BBS9: variants seen among roughly 807,000 people sequenced by gnomAD.
The protein encoded by BBS9 is protein PTHB1.
Under a neutral mutation model 117.7 loss-of-function variants are expected in BBS9, and 89 were observed. The ratio of observed to expected loss-of-function variants is 0.76; its 90% confidence interval spans 0.64 to 0.90. BBS9 has a LOEUF of 0.90. Among genes scored for constraint, BBS9 ranks in the 40% least tolerant of loss-of-function variants. The pLI is 0.00. For synonymous variants in BBS9, 379 were observed against 370.9 expected (o/e 1.02, Z -0.25); for missense variants, 982 against 1,042.2 (o/e 0.94, Z 0.80).
intron 21 of BBS9, among the ~76,000 whole-genome samples, chr7:33,623,842 G>A (rs1014394295): frequency 6.6e-6 from 1 of 152,114 alleles, no homozygotes; most frequent in African/African-American, 2.4e-5. Context: ...ATGGCAAACT[G>A]TAAGGCAAAG....
chr7:33,423,276 G>A (rs1257434154), intron 19 of BBS9, among the ~76,000 whole-genome samples: 1 of 152,150 alleles, frequency 6.6e-6, no homozygotes, highest in Non-Finnish European at 1.5e-5. Context: ...GGGGTCAGGA[G>A]CAGCCTGGAG....
chr7:33,486,037 C>A (rs888830995), intron 19 of BBS9, among the ~76,000 whole-genome samples: 14 of 152,088 alleles, frequency 9.2e-5, no homozygotes, highest in African/African-American at 3.4e-4. Flanking sequence ...TTCTTGTTGG[C>A]GGTGTGGGAG....
chr7:33,177,153 T>G (rs879756116), intron 4 of BBS9, among the ~76,000 whole-genome samples: 6 of 152,220 alleles, frequency 3.9e-5, no homozygotes, highest in Admixed American at 6.5e-5. Context: ...AGAACTTATT[T>G]ATTTCAGATC....
At chr7:33,435,337 T>C (rs1472064868) in intron 19 of BBS9, among the ~76,000 whole-genome samples, 1 of 152,222 alleles carries the variant, frequency 6.6e-6, no homozygotes, top group African/African-American at 2.4e-5. Context: ...TTTGTTAATA[T>C]CAAGGATTTG....
chr7:33,485,289 C>T (rs1288495535), intron 19 of BBS9, among the ~76,000 whole-genome samples: 3 of 151,446 alleles, frequency 2.0e-5, no homozygotes, highest in African/African-American at 4.9e-5. Context: ...ATGCATGTAC[C>T]CTGGAACTTA....
At chr7:33,570,033 T>C (rs1256178588) in intron 21 of BBS9, among the ~76,000 whole-genome samples, 1 of 152,202 alleles carries the variant, frequency 6.6e-6, no homozygotes, top group African/African-American at 2.4e-5. Flanking sequence ...TTTTCTTACT[T>C]TCTGTATTGT....
intron 10 of BBS9, 70 bp from the exon 11 acceptor site, chr7:33,340,827 C>A (rs2128635806): frequency 7.2e-7 from 1 of 1,393,408 alleles, no homozygotes; most frequent in East Asian, 2.5e-5. Flanking sequence ...ATAGACAAAC[C>A]TTTAAAGAAA....
chr7:33,406,957 A>G (rs1229705730), intron 19 of BBS9, among the ~76,000 whole-genome samples: 2 of 151,954 alleles, frequency 1.3e-5, no homozygotes, highest in Admixed American at 1.3e-4. Context: ...AATTCTCTGT[A>G]TTTCCTGAAT....
At chr7:33,585,235 C>T (rs910726909) in intron 21 of BBS9, among the ~76,000 whole-genome samples, 1 of 151,972 alleles carries the variant, frequency 6.6e-6, no homozygotes, top group Admixed American at 6.6e-5. Flanking sequence ...GTGCTAATTC[C>T]TTTTTTACTA....
downstream of BBS9, among the ~76,000 whole-genome samples, chr7:33,635,684 G>A (rs568903003): frequency 3.3e-5 from 5 of 152,324 alleles, no homozygotes; most frequent in African/African-American, 1.2e-4. Context: ...AAATATAGGC[G>A]AGTGTAAGGC....
chr7:33,406,692 G>C (rs1016650048), intron 19 of BBS9, among the ~76,000 whole-genome samples: 1 of 152,000 alleles, frequency 6.6e-6, no homozygotes, highest in Non-Finnish European at 1.5e-5. Context: ...CTTCACTTAT[G>C]AAGCTTAGTT....
chr7:33,579,480 C>A (rs914705142), intron 21 of BBS9, among the ~76,000 whole-genome samples: 10 of 152,054 alleles, frequency 6.6e-5, no homozygotes, highest in Non-Finnish European at 1.5e-4. Context: ...AAGGTTTGGC[C>A]CGGCGTGTAT....
At chr7:33,633,711 T>C (rs1427484583) in intron 21 of BBS9, among the ~76,000 whole-genome samples, 2 of 152,162 alleles carry the variant, frequency 1.3e-5, no homozygotes, top group East Asian at 3.9e-4. Context: ...CTGTAGACTT[T>C]ACAGATTCAG....
At chr7:33,154,148 T>C (rs1209298553) in intron 3 of BBS9, among the ~76,000 whole-genome samples, 1 of 152,214 alleles carries the variant, frequency 6.6e-6, no homozygotes, top group African/African-American at 2.4e-5. Context: ...ATGTCCAGGG[T>C]ACATATACAA....
At chr7:33,539,827 A>G (rs1851997393) in intron 21 of BBS9, among the ~76,000 whole-genome samples, 1 of 152,220 alleles carries the variant, frequency 6.6e-6, no homozygotes, top group African/African-American at 2.4e-5. Context: ...AACTTGGCAT[A>G]ATTTGCAGGA....
At chr7:33,542,851 C>A (rs1852614213) in intron 21 of BBS9, among the ~76,000 whole-genome samples, 1 of 148,012 alleles carries the variant, frequency 6.8e-6, no homozygotes, top group Non-Finnish European at 1.5e-5. Context: ...TTTCTTTATC[C>A]AGTTGTTGAT....
Position 33,170,247 on chromosome 7 carries a change from A to G in BBS9, c.329-7231A>G, listed in dbSNP as rs542047395. 6.1e-3 allele frequency among the ~76,000 whole-genome samples: 919 copies of G among 149,500 alleles called. 11 individuals carry two copies. Among genetic ancestry groups the G allele is most frequent in the African/African-American group, 0.021 (868 of 40,762 alleles). ...AATCCAGCAGCACATCAAAAAGCTT[A>G]TCCACCATGATCAAGTGGGCTTCAT... On this transcript the variant is annotated intron_variant, in intron 4 of 22. Transcript: ENST00000242067.
chr7:33,301,955 T>G (rs1005198473), intron 9 of BBS9, among the ~76,000 whole-genome samples: 6 of 152,218 alleles, frequency 3.9e-5, no homozygotes, highest in African/African-American at 1.4e-4. Context: ...TCCTGACTTT[T>G]AGATAAAAGT....
rs7793862 is a variant in BBS9 at position 33,264,606 on chromosome 7, T to C, written c.702+232T>C. Among the ~76,000 whole-genome samples the C allele has an allele frequency of 0.26, 39,019 of 151,930 alleles. 5,089 individuals are homozygous for C. The highest frequency in any genetic ancestry group is 0.31 in the South Asian group (1,508 of 4,816). On this transcript the variant is annotated intron_variant, in intron 7 of 22. Coordinates refer to ENST00000242067, the MANE Select transcript of BBS9 (RefSeq NM_198428.3). ...GATTGTAGAGTTGTACCACTAGAAC[T>C]GTGGATATCCAGATGGAGTCACTTT...
Sources: gnomAD v4.1 joint callset for allele counts (sites outside exome capture counted in the v4.1 genomes callset) on GRCh38, gnomAD v4.1.1 for gene constraint, MANE v1.5 for transcripts, NCBI Gene and HGNC (gene_info 2026-07-23, HGNC 2026-07-21) for gene names.